Variants in SUPT3H observed in about 807,000 individuals in gnomAD.
SUPT3H encodes the protein SPT3 homolog, SAGA and STAGA complex component.
Under a neutral mutation model 44.3 loss-of-function variants are expected in SUPT3H, and 44 were observed. The observed-to-expected ratio is 0.99, with a 90% CI of 0.78 to 1.28. The LOEUF (loss-of-function observed/expected upper bound fraction) is 1.28. Ranked by LOEUF, SUPT3H falls within the 50% of genes most tolerant of loss-of-function variation. The pLI is 0.00. For missense variants in SUPT3H, 380 were observed against 387.1 expected (o/e 0.98, Z 0.15); for synonymous variants, 124 against 125.6 (o/e 0.99, Z 0.09).
chr6:45,099,274 C>G (rs1203066196), intron 3 of SUPT3H: 1 of 160,944 alleles, frequency 6.2e-6, no homozygotes. Context: ...AGCACACTAT[C>G]AACACTCTGG....
chr6:45,209,545 T>C (rs1763748653), intron 2 of SUPT3H, among the ~76,000 whole-genome samples: 1 of 152,220 alleles, frequency 6.6e-6, no homozygotes, highest in African/African-American at 2.4e-5. Context: ...GTTGTGTGAC[T>C]AAAGTGCTGC....
intron 2 of SUPT3H, among the ~76,000 whole-genome samples, chr6:45,309,752 A>G (rs1274901758): frequency 1.3e-5 from 2 of 152,174 alleles, no homozygotes; most frequent in Non-Finnish European, 1.5e-5. Context: ...CAACAAGAGA[A>G]AAGAAAGAAA....
chr6:45,238,959 C>G (rs568820798), intron 2 of SUPT3H, among the ~76,000 whole-genome samples: 1 of 152,240 alleles, frequency 6.6e-6, no homozygotes, highest in South Asian at 2.1e-4. Context: ...TAACTAAATT[C>G]AAACCAATTG....
At chr6:44,971,717 T>C (rs181748080) in intron 6 of SUPT3H, among the ~76,000 whole-genome samples, 2 of 152,198 alleles carry the variant, frequency 1.3e-5, no homozygotes, top group Non-Finnish European at 2.9e-5. Context: ...CCAGATCTCA[T>C]GTCCTCACAT....
intron 10 of SUPT3H, among the ~76,000 whole-genome samples, chr6:44,863,084 A>G (rs1211278003): frequency 6.6e-6 from 1 of 152,216 alleles, no homozygotes; most frequent in African/African-American, 2.4e-5. Context: ...CCTAAAAATT[A>G]CTAATTAAAA....
intron 11 of SUPT3H, among the ~76,000 whole-genome samples, chr6:44,820,845 A>G (rs1010345184): frequency 6.6e-6 from 1 of 152,152 alleles, no homozygotes; most frequent in Non-Finnish European, 1.5e-5. Flanking sequence ...AAGGTCTTAT[A>G]GAGAAAGTGA....
intron 2 of SUPT3H, among the ~76,000 whole-genome samples, chr6:45,256,294 C>G (rs1294640969): frequency 2.0e-5 from 3 of 152,214 alleles, no homozygotes; most frequent in African/African-American, 7.2e-5. Context: ...TTATTTCTCA[C>G]CATTCTGGAG....
At chr6:45,360,966 A>G (rs1001807598) in intron 2 of SUPT3H, among the ~76,000 whole-genome samples, 5 of 152,040 alleles carry the variant, frequency 3.3e-5, no homozygotes, top group African/African-American at 1.2e-4. Context: ...CCTGCCATAT[A>G]ATAAGGACTC....
intron 2 of SUPT3H, among the ~76,000 whole-genome samples, chr6:45,172,607 T>C (rs1811005904): frequency 6.6e-6 from 1 of 151,214 alleles, no homozygotes; most frequent in Non-Finnish European, 1.5e-5. Context: ...TTTTTTTTTT[T>C]TTTGAAATGG....
chr6:44,985,010 T>C (rs559907443), intron 6 of SUPT3H, among the ~76,000 whole-genome samples: 8 of 151,894 alleles, frequency 5.3e-5, no homozygotes, highest in African/African-American at 1.7e-4. Context: ...TTTTGTGTCA[T>C]TGAAAATTTG....
In SUPT3H at chr6:45,377,820, T is replaced by G. The variant is rs1181691283; in HGVS notation, c.-53A>C. The stretch of plus-strand genomic sequence containing the variant: ...TGCTGCGCTTCCCGCGAGGAGAATG[T>G]GGGGGTGGAGATGGTGCGGTTTCTG... On this transcript the variant is annotated 5_prime_UTR_variant, in exon 1 of 11. Transcript: ENST00000371459. 2 of 153,064 alleles carry G rather than the reference T, an allele frequency of 1.3e-5. 1 individual carries two copies. The highest frequency in any genetic ancestry group is 2.9e-5 in the Non-Finnish European group (2 of 69,182). The allele number at this position is 153,064 out of a possible 1,614,324, so 9.5% of individuals were successfully genotyped here.
Position 45,373,819 on chromosome 6 carries a change from CT to C in SUPT3H, c.-1+3948del, listed in dbSNP as rs373584336. On this transcript the variant is annotated intron_variant, in intron 1 of 10. Transcript: ENST00000371459. ...CCACCCATCTCAGCCTCCCAAAGTG[CT>C]GGGATTACAGGTGTGAGCCACCACA... Among the ~76,000 whole-genome samples the C allele has an allele frequency of 6.3e-3, 955 of 152,282 alleles. 17 individuals carry two copies. Among genetic ancestry groups the C allele is most frequent in the African/African-American group, 0.022 (904 of 41,542 alleles).
chr6:45,296,738 C>CAAAAAAAAAAAAAAA (rs60921436), intron 2 of SUPT3H, among the ~76,000 whole-genome samples: 8 of 29,698 alleles, frequency 2.7e-4, no homozygotes, highest in Admixed American at 7.2e-4. Context: ...GACTCTGTCT[C>CAAAAAAAAAAAAAAA]AAAAAAAAAA....
chr6:45,190,911 T>C (rs899581836), intron 2 of SUPT3H, among the ~76,000 whole-genome samples: 1 of 152,048 alleles, frequency 6.6e-6, no homozygotes, highest in African/African-American at 2.4e-5. Context: ...ACACTAACAA[T>C]ACCATATGCT....
chr6:44,810,174 C>T (rs748662485), intron 11 of SUPT3H, among the ~76,000 whole-genome samples: 9 of 152,148 alleles, frequency 5.9e-5, no homozygotes, highest in Admixed American at 1.3e-4. Context: ...AAGCCACTAA[C>T]GTTTGGGGTG....
rs143542084 is a variant in SUPT3H at position 45,074,671 on chromosome 6, A to G, written c.186+31251T>C. Among the ~76,000 whole-genome samples the G allele has an allele frequency of 2.2e-3, 342 of 152,156 alleles. 1 individual carries two copies. The highest frequency in any genetic ancestry group is 3.3e-3 in the Non-Finnish European group (226 of 67,896). ...AATAGAAACCACTGGAGGAAGTAAG[A>G]AAGTTGTGACTGGAAAGGAGAACTT... On this transcript the variant is annotated intron_variant, in intron 3 of 10. Coordinates refer to ENST00000371459, the MANE Select transcript of SUPT3H (RefSeq NM_003599.4).
chr6:45,291,112 T>G (rs924412249), intron 2 of SUPT3H, among the ~76,000 whole-genome samples: 3 of 152,146 alleles, frequency 2.0e-5, no homozygotes, highest in Non-Finnish European at 4.4e-5. Context: ...TCACAGATGG[T>G]TCACATCACA....
intron 2 of SUPT3H, among the ~76,000 whole-genome samples, chr6:45,109,413 T>C (rs1262674955): frequency 1.3e-5 from 2 of 152,144 alleles, no homozygotes; most frequent in African/African-American, 4.8e-5. Flanking sequence ...ACAAATTCAA[T>C]TGACATCTAT....
At chr6:45,037,834 T>C (rs1787917488) in intron 3 of SUPT3H, among the ~76,000 whole-genome samples, 1 of 151,858 alleles carries the variant, frequency 6.6e-6, no homozygotes, top group Admixed American at 6.6e-5. Flanking sequence ...GGAGTAGTTA[T>C]ATCTAGATAA....
Sources: allele counts gnomAD v4.1 joint callset (sites outside exome capture counted in the v4.1 genomes callset), GRCh38; gene constraint gnomAD v4.1.1; transcripts MANE v1.5; gene names NCBI Gene and HGNC (gene_info 2026-07-23, HGNC 2026-07-21).